The following BCL9L variants were observed in gnomAD, a reference collection of about 807,000 sequenced individuals.
BCL9L encodes the protein BCL9 like.
Under a neutral mutation model 99.4 loss-of-function variants are expected in BCL9L, and 19 were observed. That is an observed-to-expected ratio of 0.19 (90% CI 0.13 to 0.28). The LOEUF is 0.28. BCL9L is among the 10% of genes least tolerant of loss of function. BCL9L has a pLI of 1.00. For synonymous variants in BCL9L, 900 were observed against 854.8 expected, an observed-to-expected ratio of 1.05 and a Z score of -0.92; for missense variants, 2,023 against 2,101.6, an observed-to-expected ratio of 0.96 and a Z score of 0.73.
In BCL9L at chr11:118,898,147, C is replaced by T; in HGVS notation, c.*268G>A. ...CACGGAAAGAGGTAAAATAGAGAGGCTCCATAGGAATTGGGAGGAGTGGGG... is the reference window on the plus strand; with the variant it reads ...CACGGAAAGAGGTAAAATAGAGAGGTTCCATAGGAATTGGGAGGAGTGGGG... On this transcript the variant is annotated 3_prime_UTR_variant, in exon 10 of 10. Coordinates refer to ENST00000683865, the MANE Select transcript of BCL9L (RefSeq NM_001378213.1). 3.5e-6 allele frequency: 2 copies of T among 578,756 alleles called. No individual in the cohort carries two copies. The highest frequency in any genetic ancestry group is 5.8e-5 in the East Asian group (2 of 34,210). The allele number at this position is 578,756 out of a possible 1,614,324, so 35.9% of individuals were successfully genotyped here.
intron 5 of BCL9L, among the ~76,000 whole-genome samples, chr11:118,906,045 A>G (rs1940506809): frequency 6.6e-6 from 1 of 152,042 alleles, no homozygotes. Context: ...TGTCTCTACA[A>G]AAATTAGCCA....
intron 2 of BCL9L, among the ~76,000 whole-genome samples, chr11:118,917,211 C>G (rs553186266): frequency 6.6e-6 from 1 of 152,268 alleles, no homozygotes; most frequent in South Asian, 2.1e-4. Context: ...TCCCCACCCC[C>G]ACACTCCCTC....
Position 118,908,393 on chromosome 11 carries a change from G to A in BCL9L, c.289C>T (p.Pro97Ser), listed in dbSNP as rs751177874. ...ISPSNSSLKNPQAGVPPFSSL... is the reference protein window; with the variant it reads ...ISPSNSSLKNSQAGVPPFSSL... The stretch of plus-strand genomic sequence containing the variant: ...CTGAAAGGGGGCACCCCTGCCTGGG[G>A]GTTCTTCAGACTTGAGTTGCTAGGC... The change falls in exon 4 of 10, where the codon CCC becomes TCC. Residue 97 changes from proline to serine, a missense_variant. Physicochemically the swap from Pro to Ser is moderately conservative, Grantham distance 74. Around this residue, in one of 3 missense-constraint regions of BCL9L, gnomAD observed 1,116 missense variants for 1,194.6 expected, o/e 0.93. Coordinates refer to ENST00000683865, the MANE Select transcript of BCL9L (RefSeq NM_001378213.1). 15 of 1,613,884 alleles carry A rather than the reference G, an allele frequency of 9.3e-6. No homozygotes were observed. The highest frequency in any genetic ancestry group is 1.3e-5 in the African/African-American group (1 of 74,928).
chr11:118,910,047 T>G, intron 2 of BCL9L, 32 bp from the exon 3 acceptor site: 1 of 1,490,830 alleles, frequency 6.7e-7, no homozygotes, highest in African/African-American at 1.4e-5. Flanking sequence ...AGAAAACTCG[T>G]GACTTGGGGA....
chr11:118,902,695 C>T lies in BCL9L; in HGVS notation c.1048G>A (p.Gly350Ser), dbSNP rs138908070. 1.0e-3 allele frequency: 1,665 copies of T among 1,599,088 alleles called. 1 individual carries two copies. The highest frequency in any genetic ancestry group is 1.3e-3 in the Non-Finnish European group (1,494 of 1,179,684). Residue 350 changes from glycine to serine, a missense_variant, in exon 8 of 10, where the codon GGC becomes AGC. Gly to Ser is a moderately conservative substitution (Grantham distance 56, BLOSUM62 0). This residue lies in a region of BCL9L where 1,116 missense variants were observed against 1,194.6 expected (regional missense o/e 0.93). Transcript: ENST00000683865. This position sits in a 1 kb window ranked among gnomAD's most constrained non-coding sequence, Gnocchi z 7.8. ...GAASTGGGTGGTHPNTPTATT... is the reference protein window; with the variant it reads ...GAASTGGGTGSTHPNTPTATT... Reference sequence around the variant, plus strand: ...GCCGTCGGGGTGTTAGGGTGGGTGCCCCCAGTCCCACCACCTGTGCTGGCA... The same window carrying T: ...GCCGTCGGGGTGTTAGGGTGGGTGCTCCCAGTCCCACCACCTGTGCTGGCA...
In BCL9L at chr11:118,914,749, T is replaced by C. The variant is rs1163009646; in HGVS notation, c.-77+4077A>G. Among the ~76,000 whole-genome samples, 3 of 152,182 alleles carry C rather than the reference T, an allele frequency of 2.0e-5. No homozygotes were observed. Among genetic ancestry groups the C allele is most frequent in the African/African-American group, 7.2e-5 (3 of 41,432 alleles). On this transcript the variant is annotated intron_variant, in intron 2 of 9. Coordinates refer to ENST00000683865, the MANE Select transcript of BCL9L (RefSeq NM_001378213.1). The surrounding 1 kb of genome is among the most constrained non-coding windows in gnomAD (Gnocchi z 4.4). ...CCCCAGGCCTCCTCTCCCACACCCATTCAGTAAAGCTGCTCCCAGAGGAGG... is the reference window on the plus strand; with the variant it reads ...CCCCAGGCCTCCTCTCCCACACCCACTCAGTAAAGCTGCTCCCAGAGGAGG...
chr11:118,913,627 C>G (rs1480967130), intron 2 of BCL9L, among the ~76,000 whole-genome samples: 1 of 152,092 alleles, frequency 6.6e-6, no homozygotes, highest in Non-Finnish European at 1.5e-5. Context: ...AGGCAGGCGG[C>G]GGGCACTCTG....
chr11:118,904,287 A>C (rs1249248721), intron 5 of BCL9L, among the ~76,000 whole-genome samples: 2 of 152,076 alleles, frequency 1.3e-5, no homozygotes, highest in African/African-American at 4.8e-5. Flanking sequence ...CTAAAAATAC[A>C]AAAATTAACT....
intron 2 of BCL9L, among the ~76,000 whole-genome samples, chr11:118,917,779 G>T (rs1039484942): frequency 1.3e-5 from 2 of 152,062 alleles, no homozygotes; most frequent in African/African-American, 2.4e-5. Flanking sequence ...CCCCAGCCCC[G>T]CCCAACTCCA....
rs1940710823 is a variant in BCL9L, at chr11:118,909,971, G to A, written c.-32C>T. 1 of 1,613,882 alleles carries A rather than the reference G, an allele frequency of 6.2e-7. No homozygotes were observed. The highest frequency in any genetic ancestry group is 8.5e-7 in the Non-Finnish European group (1 of 1,179,882). On this transcript the variant is annotated 5_prime_UTR_variant, in exon 3 of 10. Transcript: ENST00000683865. ...CACACACAGTGGGGCTACGGCCCCT[G>A]TGCGTGCCCAGGGCCCAGCCAGGTA...
intron 5 of BCL9L, among the ~76,000 whole-genome samples, chr11:118,904,982 C>G (rs1465034317): frequency 3.3e-5 from 5 of 152,182 alleles, no homozygotes; most frequent in African/African-American, 9.7e-5. Flanking sequence ...CTTAGTCCAA[C>G]AAGGAACTTT....
chr11:118,901,070 A>T lies in BCL9L; in HGVS notation c.2673T>A (p.Pro891=), dbSNP rs747736867. ...NVGTTRLSHM[P]LPPASNPPGT... is the part of the protein sequence containing the mutation. ...CAGGAGGATTGGACGCAGGGGGCAG[A>T]GGCATGTGGCTGAGCCGGGTGGTGC... The change falls in exon 8 of 10, where the codon CCT becomes CCA. Residue 891 remains proline, a synonymous_variant. Transcript: ENST00000683865. This position sits in a 1 kb window ranked among gnomAD's most constrained non-coding sequence, Gnocchi z 6.6. The T allele has an allele frequency of 6.2e-7, 1 of 1,604,246 alleles. No homozygotes were observed. The highest frequency in any genetic ancestry group is 1.1e-5 in the South Asian group (1 of 89,214).
At position 118,901,015 on chromosome 11, in the gene BCL9L, GC is replaced by G; in HGVS notation, c.2727del (p.Leu910Ter). On this transcript the variant is annotated frameshift_variant, in exon 8 of 10. Transcript: ENST00000683865. LOFTEE classifies it high-confidence loss of function. This position sits in a 1 kb window ranked among gnomAD's most constrained non-coding sequence, Gnocchi z 6.6. ...GTGAGGTCCGAAGGCCGCCTGCCTA[GC>G]CCCCGGTTTGGGGCTGAATGCACGG... ...PGTVHSAPNR[G>X]LGRRPSDLTI... 6.4e-7 allele frequency: 1 copy of G among 1,560,226 alleles called. No individual in the cohort carries two copies. The highest frequency in any genetic ancestry group is 8.7e-7 in the Non-Finnish European group (1 of 1,152,124).
rs149646866 is a variant in BCL9L, at chr11:118,916,700, G to A, written c.-77+2126C>T. Among the ~76,000 whole-genome samples, 15 of 152,302 alleles carry A rather than the reference G, an allele frequency of 9.8e-5. No homozygotes were observed. The East Asian group carries it at 2.1e-3, about 22-fold the overall frequency. On this transcript the variant is annotated intron_variant, in intron 2 of 9. Coordinates refer to ENST00000683865, the MANE Select transcript of BCL9L (RefSeq NM_001378213.1). ...CAGCAGGTGACAGACAGGCCCATCG[G>A]GGCTCCCCCACATGATCATAGGTCT...
chr11:118,920,439 TC>T (rs1211819281), intron 1 of BCL9L, among the ~76,000 whole-genome samples: 1 of 152,160 alleles, frequency 6.6e-6, no homozygotes, highest in Non-Finnish European at 1.5e-5. Flanking sequence ...TCCAGACCCC[TC>T]CGTCTTCTGC....
rs1940717251 is a variant in BCL9L, at chr11:118,910,136, T to C, written c.-76-121A>G. 2.5e-5 allele frequency: 17 copies of C among 677,522 alleles called. No individual in the cohort carries two copies. The East Asian group carries it at 4.7e-4, about 19-fold the overall frequency. 42.0% of individuals were successfully genotyped at this position (677,522 alleles called of 1,614,324 possible). ...GGAGCTGGATAGGGTGGGGTGGCAC[T>C]GGAAAAAGAGGATTACGAGATGGGG... is the stretch of plus-strand genomic sequence containing the variant. On this transcript the variant is annotated intron_variant, in intron 2 of 9. Transcript: ENST00000683865.
At position 118,897,566 on chromosome 11, in the gene BCL9L, G is replaced by A; in HGVS notation, c.*849C>T. 2.8e-6 allele frequency: 1 copy of A among 352,956 alleles called. No homozygotes were observed. Among genetic ancestry groups the A allele is most frequent in the East Asian group, 7.7e-5 (1 of 12,956 alleles). The allele number at this position is 352,956 out of a possible 1,614,324, so 21.9% of individuals were successfully genotyped here. ...CTAGGGCTCACCAGGTGGAAGCCTA[G>A]GTGGTCTGACCTCAGTTTAGGAGTG... On this transcript the variant is annotated 3_prime_UTR_variant, in exon 10 of 10. Transcript: ENST00000683865.
intron 2 of BCL9L, among the ~76,000 whole-genome samples, chr11:118,917,425 C>G (rs189456681): frequency 6.6e-6 from 1 of 152,346 alleles, no homozygotes; most frequent in Middle Eastern, 3.4e-3. Flanking sequence ...ATTATCCTCA[C>G]TTTCCCACTA....
At position 118,896,848 on chromosome 11, in the gene BCL9L, A is replaced by G. The variant is rs1939940872; in HGVS notation, c.*1567T>C. ...GCCTCAGCCAGGGAACTGCCCTGCC[A>G]CCTCCCGAGGCAGGAAAGGAAGTGA... On this transcript the variant is annotated 3_prime_UTR_variant, in exon 10 of 10. Transcript: ENST00000683865. 1 of 152,664 alleles carries G rather than the reference A, an allele frequency of 6.6e-6. No homozygotes were observed. The highest frequency in any genetic ancestry group is 1.5e-5 in the Non-Finnish European group (1 of 68,088). 9.5% of individuals were successfully genotyped at this position (152,664 alleles called of 1,614,324 possible).
Sources: allele counts gnomAD v4.1 joint callset (sites outside exome capture counted in the v4.1 genomes callset), GRCh38; gene constraint gnomAD v4.1.1; regional missense constraint gnomAD v4.1.1; non-coding constraint Gnocchi (gnomAD v3.1); transcripts MANE v1.5; gene names NCBI Gene and HGNC (gene_info 2026-07-23, HGNC 2026-07-21).